The following KCNMA1 variants were observed in gnomAD, a reference collection of about 807,000 sequenced individuals.
KCNMA1 encodes potassium calcium-activated channel subfamily M alpha 1.
Under a neutral mutation model 140.0 loss-of-function variants are expected in KCNMA1, and 29 were observed. The ratio of observed to expected loss-of-function variants is 0.21; its 90% CI spans 0.15 to 0.28. The LOEUF is 0.28. KCNMA1 is among the 10% of genes least tolerant of loss of function. The pLI is 1.00. For synonymous variants in KCNMA1, 612 were observed against 611.9 expected (o/e 1.00, Z 0.00); for missense variants, 880 against 1,602.2 (o/e 0.55, Z 7.70).
intron 16 of KCNMA1, 141 bp from the exon 17 acceptor site, chr10:77,019,240 C>T: frequency 1.5e-6 from 1 of 669,858 alleles, no homozygotes; most frequent in Non-Finnish European, 2.7e-6. Context: ...TGTCCAGAGT[C>T]CAATGTCCAC....
At chr10:77,121,614 A>T (rs766621543) in intron 5 of KCNMA1, among the ~76,000 whole-genome samples, 11 of 151,798 alleles carry the variant, frequency 7.2e-5, no homozygotes, top group Non-Finnish European at 1.3e-4. Flanking sequence ...ACACCCCACA[A>T]CTTCAGGATT....
intron 3 of KCNMA1, among the ~76,000 whole-genome samples, chr10:77,238,718 CT>C (rs2056395998): frequency 1.3e-5 from 2 of 152,206 alleles, no homozygotes; most frequent in South Asian, 4.1e-4. Flanking sequence ...GAAGATGGCC[CT>C]CTGGCAGTCA....
intron 5 of KCNMA1, among the ~76,000 whole-genome samples, chr10:77,137,741 C>T (rs1447659878): frequency 6.6e-6 from 1 of 152,196 alleles, no homozygotes; most frequent in Non-Finnish European, 1.5e-5. Flanking sequence ...TTTTCACCAT[C>T]CTTTCCTTTG....
chr10:77,121,928 G>A (rs1019265489), intron 5 of KCNMA1, among the ~76,000 whole-genome samples: 20 of 152,236 alleles, frequency 1.3e-4, no homozygotes, highest in African/African-American at 4.3e-4. Context: ...ACCGCTTTGA[G>A]ACACATTGAA....
intron 3 of KCNMA1, chr10:77,217,582 ACTTACAGAT>A (rs1225766358): frequency 2.2e-5 from 10 of 456,222 alleles, no homozygotes; most frequent in African/African-American, 2.0e-4. Context: ...ACATGGAGAT[ACTTACAGAT>A]GACACAGACA....
At chr10:77,000,858 ATATATATATATATATAT>A (rs1335780962) in intron 19 of KCNMA1, among the ~76,000 whole-genome samples, 2,015 of 88,108 alleles carry the variant, frequency 0.023, 276 homozygotes, top group African/African-American at 0.084. Flanking sequence ...TAAAAAGAAA[ATATATATATATATATAT>A]ATATATATAT....
intron 25 of KCNMA1, chr10:76,902,181 A>G (rs985143300): frequency 6.6e-6 from 1 of 152,246 alleles, no homozygotes. Flanking sequence ...ACCAGGTGCT[A>G]GAACTTCAAA....
intron 2 of KCNMA1, among the ~76,000 whole-genome samples, chr10:77,293,983 CGGTGT>C (rs1024623247): frequency 6.6e-6 from 1 of 152,224 alleles, no homozygotes; most frequent in Non-Finnish European, 1.5e-5. Context: ...TGGCCCCAGC[CGGTGT>C]GGCTGCAGTC....
chr10:77,462,963 G>A (rs1323524440), intron 1 of KCNMA1, among the ~76,000 whole-genome samples: 1 of 152,134 alleles, frequency 6.6e-6, no homozygotes, highest in East Asian at 1.9e-4. Context: ...GAGAAACCTC[G>A]ATGAAACTCA....
rs781228418 is a variant in KCNMA1 at position 76,970,043 on chromosome 10, A to G, written c.2291T>C (p.Leu764Pro). 1.2e-6 allele frequency: 2 copies of G among 1,613,784 alleles called. No individual in the cohort carries two copies. Among genetic ancestry groups the G allele is most frequent in the Admixed American group, 1.7e-5 (1 of 60,012 alleles). Residue 764 changes from leucine to proline, a missense_variant, in exon 20 of 28, where the codon CTA (leucine) becomes CCA (proline). Leu to Pro is a moderately conservative substitution (Grantham distance 98, BLOSUM62 -3). Coordinates refer to ENST00000286628, the MANE Select transcript of KCNMA1 (RefSeq NM_001161352.2). ...ATTCCGTTGCTTTTTTTTTGGTGAT[A>G]GTGTTGACGGCTGCTCATCTTCAAC... ...RAFEDEQPST[L>P]SPKKKQRNGG...
intron 5 of KCNMA1, among the ~76,000 whole-genome samples, chr10:77,147,303 G>C (rs1371962194): frequency 6.6e-6 from 1 of 152,192 alleles, no homozygotes; most frequent in East Asian, 1.9e-4. Context: ...CTAGAAGCCT[G>C]TGTCATTTGC....
At chr10:76,996,079 C>A (rs943585323) in intron 19 of KCNMA1, among the ~76,000 whole-genome samples, 2 of 152,158 alleles carry the variant, frequency 1.3e-5, no homozygotes, top group African/African-American at 4.8e-5. Flanking sequence ...GGTGAAAGCA[C>A]AACAAGGTCC....
At chr10:77,582,751 C>T (rs371385828) in intron 1 of KCNMA1, among the ~76,000 whole-genome samples, 2 of 152,222 alleles carry the variant, frequency 1.3e-5, no homozygotes, top group African/African-American at 2.4e-5. Context: ...CCATGCCCCT[C>T]GGGGGACTTC....
At chr10:77,492,421 C>T (rs748378793) in intron 1 of KCNMA1, among the ~76,000 whole-genome samples, 2 of 152,310 alleles carry the variant, frequency 1.3e-5, no homozygotes, top group Middle Eastern at 3.4e-3. Context: ...CACCTGTGTA[C>T]TTGTATTTCT....
intron 1 of KCNMA1, among the ~76,000 whole-genome samples, chr10:77,414,360 A>C (rs1454468632): frequency 2.0e-5 from 3 of 152,176 alleles, no homozygotes; most frequent in African/African-American, 7.2e-5. Flanking sequence ...TTCCCTGAGG[A>C]CCAAGGGGGT....
chr10:77,456,386 T>C (rs2097762831), intron 1 of KCNMA1, among the ~76,000 whole-genome samples: 1 of 152,176 alleles, frequency 6.6e-6, no homozygotes, highest in Non-Finnish European at 1.5e-5. Context: ...CCCCAGACTC[T>C]ACCCGCATCA....
At chr10:77,073,045 C>T in intron 14 of KCNMA1, 52 bp downstream of exon 14, 1 of 1,566,656 alleles carries the variant, frequency 6.4e-7, no homozygotes, top group Non-Finnish European at 8.8e-7. Context: ...CTACTCAACC[C>T]CACGACAAAT....
chr10:77,627,463 C>T (rs1243288626), intron 1 of KCNMA1, among the ~76,000 whole-genome samples: 1 of 152,146 alleles, frequency 6.6e-6, no homozygotes, highest in East Asian at 1.9e-4. Context: ...CAAGAAACAA[C>T]CAGAATGGGT....
chr10:77,500,636 A>T (rs547352006), intron 1 of KCNMA1, among the ~76,000 whole-genome samples: 2 of 152,344 alleles, frequency 1.3e-5, no homozygotes, highest in South Asian at 4.1e-4. Context: ...AAAGTCAATG[A>T]CTTTTAGGCA....
Sources: gnomAD v4.1 joint callset for allele counts (sites outside exome capture counted in the v4.1 genomes callset) on GRCh38, gnomAD v4.1.1 for gene constraint, MANE v1.5 for transcripts, NCBI Gene and HGNC (gene_info 2026-07-23, HGNC 2026-07-21) for gene names.